Variants in BCR observed in about 807,000 individuals in gnomAD.
BCR encodes the protein BCR activator of RhoGEF and GTPase, also known as breakpoint cluster region protein.
Under a neutral mutation model 138.6 loss-of-function variants are expected in BCR, and 58 were observed. The observed-to-expected ratio is 0.42, with a 90% confidence interval of 0.34 to 0.52. BCR has a LOEUF of 0.52. Ranked by LOEUF, BCR falls within the 20% of genes least tolerant of loss-of-function variation. The pLI is 0.06. For synonymous variants in BCR, 786 were observed against 730.1 expected (o/e 1.08, Z -1.23); for missense variants, 1,599 against 1,727.2 (o/e 0.93, Z 1.32).
intron 19 of BCR, 141 bp downstream of exon 19, chr22:23,311,977 A>G (rs2074013104): frequency 1.4e-6 from 2 of 1,413,122 alleles, no homozygotes; most frequent in Non-Finnish European, 1.9e-6. Context: ...TTTTTAAAAA[A>G]GAGAAGACAA....
intron 1 of BCR, among the ~76,000 whole-genome samples, chr22:23,236,346 G>C (rs139593041): frequency 3.7e-4 from 56 of 152,334 alleles, no homozygotes; most frequent in African/African-American, 1.2e-3. Context: ...GGCGCCAGGG[G>C]ATGTTTGTCT....
intron 1 of BCR, among the ~76,000 whole-genome samples, chr22:23,243,664 T>A (rs2073123826): frequency 6.6e-6 from 1 of 151,830 alleles, no homozygotes; most frequent in African/African-American, 2.4e-5. Context: ...TTTTTTTTTT[T>A]TTAAGATGGA....
rs368870235 is a variant in BCR, at chr22:23,311,860, G to A, written c.3322+24G>A. On this transcript the variant is annotated intron_variant, in intron 19 of 22. Coordinates refer to ENST00000305877, the MANE Select transcript of BCR (RefSeq NM_004327.4). ...CAGTGAGTGTTGGCCTGCGCAGGAC[G>A]GGATGGAGGTGTGGGCAATGGTGTC... is the stretch of plus-strand genomic sequence containing the variant. The A allele has an allele frequency of 5.6e-6, 9 of 1,610,240 alleles. No individual in the cohort carries two copies. In the African/African-American group the frequency reaches 9.4e-5, roughly 17 times the overall value.
intron 1 of BCR, among the ~76,000 whole-genome samples, chr22:23,208,875 T>G (rs904244101): frequency 6.6e-6 from 1 of 151,490 alleles, no homozygotes; most frequent in Non-Finnish European, 1.5e-5. Flanking sequence ...AAAAAAAGCT[T>G]CTGGACTCAT....
chr22:23,242,299 G>C (rs935442609), intron 1 of BCR, among the ~76,000 whole-genome samples: 2 of 152,282 alleles, frequency 1.3e-5, no homozygotes, highest in Non-Finnish European at 2.9e-5. Context: ...GGGTTACTTT[G>C]TTAAAGCATA....
chr22:23,187,358 C>T (rs971372484), intron 1 of BCR, among the ~76,000 whole-genome samples: 5 of 148,718 alleles, frequency 3.4e-5, no homozygotes, highest in East Asian at 4.0e-4. Flanking sequence ...TGAAATAGGA[C>T]GGTCTAGTTA....
In BCR at chr22:23,289,628, C is replaced by T; in HGVS notation, c.2707+7C>T. ...CTGACCATCAATAAGGAAGGTGGGC[C>T]CCCCCGTTTCCGTGTACAGGGCACC... On this transcript the variant is annotated splice_region_variant and intron_variant, in intron 13 of 22. Coordinates refer to ENST00000305877, the MANE Select transcript of BCR (RefSeq NM_004327.4). The T allele has an allele frequency of 6.2e-7, 1 of 1,610,862 alleles. No individual in the cohort carries two copies. The highest frequency in any genetic ancestry group is 8.5e-7 in the Non-Finnish European group (1 of 1,177,130).
At chr22:23,232,014 C>A (rs2072964855) in intron 1 of BCR, among the ~76,000 whole-genome samples, 1 of 152,236 alleles carries the variant, frequency 6.6e-6, no homozygotes, top group Admixed American at 6.5e-5. Context: ...TCTTGTCTCT[C>A]CAGCCTCCCA....
intron 9 of BCR, 80 bp from the exon 10 acceptor site, chr22:23,284,953 C>T: frequency 1.3e-6 from 2 of 1,481,600 alleles, no homozygotes; most frequent in Non-Finnish European, 1.8e-6. Context: ...AGAACACTGG[C>T]TCTTGGGCTC....
At position 23,292,669 on chromosome 22, in the gene BCR, T is replaced by C. The variant is rs774516848; in HGVS notation, c.2880+31T>C. ...GAACTGATTCCACAAGGGCCCAGCC[T>C]GCCAGGTGGGGCACAGGATATTTTC... On this transcript the variant is annotated intron_variant, in intron 15 of 22. Coordinates refer to ENST00000305877, the MANE Select transcript of BCR (RefSeq NM_004327.4). 1.9e-5 allele frequency: 29 copies of C among 1,560,826 alleles called. No homozygotes were observed. In the African/African-American group the frequency reaches 2.6e-4, roughly 14 times the overall value.
At chr22:23,280,956 C>T (rs2073637042) in intron 8 of BCR, among the ~76,000 whole-genome samples, 2 of 152,222 alleles carry the variant, frequency 1.3e-5, no homozygotes, top group Admixed American at 1.3e-4. Flanking sequence ...CATGCCCTTG[C>T]ATGGGAACAC....
intron 16 of BCR, among the ~76,000 whole-genome samples, chr22:23,299,466 C>T (rs1326735891): frequency 2.0e-5 from 3 of 152,138 alleles, no homozygotes; most frequent in Admixed American, 6.5e-5. Context: ...TGAGGATTCT[C>T]GATGCCTTCG....
rs131683 is a variant in BCR, at chr22:23,303,931, C to CTTTTTT, written c.3013-5477_3013-5472dup. Among the ~76,000 whole-genome samples the CTTTTTT allele has an allele frequency of 1.4e-4, 15 of 106,166 alleles. 1 individual carries two copies. The highest frequency in any genetic ancestry group is 5.4e-4 in the African/African-American group (14 of 25,868). The allele number at this position is 106,166 out of a possible 152,430, so 69.6% of individuals were successfully genotyped here. A position where few individuals can be genotyped will look rare whatever the true frequency, so the allele number is the denominator to read the frequency against. ...TCTATCACCCCAATTTCCTTGTTGC[C>CTTTTTT]TTTTTTTTTTTTTTTTTTTTTAAGA... is the stretch of plus-strand genomic sequence containing the variant. On this transcript the variant is annotated intron_variant, in intron 16 of 22. Transcript: ENST00000305877.
In BCR at chr22:23,315,350, A is replaced by G. The variant is rs541440329; in HGVS notation, c.3727-83A>G. On this transcript the variant is annotated intron_variant, in intron 22 of 22. Transcript: ENST00000305877. ...TCCCCAGCACCTGAGATGGACTTGG[A>G]GGCTTGGGCCCCAAAGACCTCCCAC... The G allele has an allele frequency of 4.6e-4, 585 of 1,274,754 alleles. 2 individuals are homozygous for G. Among genetic ancestry groups the G allele is most frequent in the East Asian group, 2.2e-3 (93 of 42,140 alleles). 79.0% of individuals were successfully genotyped at this position (1,274,754 alleles called of 1,614,324 possible). A position where few individuals can be genotyped will look rare whatever the true frequency, so the allele number is the denominator to read the frequency against.
Position 23,209,544 on chromosome 22 carries a change from T to TTTTTA in BCR, c.1279+27315_1279+27319dup, listed in dbSNP as rs371375678. ...GCTTGTTTGCTAATTTATTTATTCA[T>TTTTTA]TTTTATTTTATTTTTTTGAGATGGA... On this transcript the variant is annotated intron_variant, in intron 1 of 22. Transcript: ENST00000305877. 3.3e-5 allele frequency among the ~76,000 whole-genome samples: 5 copies of TTTTTA among 151,376 alleles called. 1 individual carries two copies. The highest frequency in any genetic ancestry group is 1.2e-4 in the African/African-American group (5 of 40,870).
At chr22:23,191,141 G>A (rs1311410938) in intron 1 of BCR, among the ~76,000 whole-genome samples, 1 of 152,094 alleles carries the variant, frequency 6.6e-6, no homozygotes, top group Non-Finnish European at 1.5e-5. Context: ...TTGTTGCCCA[G>A]GCTGGTCTCA....
At chr22:23,282,299 G>T (rs911100744) in intron 8 of BCR, among the ~76,000 whole-genome samples, 1 of 152,250 alleles carries the variant, frequency 6.6e-6, no homozygotes, top group Non-Finnish European at 1.5e-5. Context: ...CGTGGGTGCC[G>T]TCACCAGGCA....
intron 8 of BCR, among the ~76,000 whole-genome samples, chr22:23,282,020 G>A (rs1298558637): frequency 6.6e-6 from 1 of 152,212 alleles, no homozygotes; most frequent in African/African-American, 2.4e-5. Context: ...ATGGCGAGAA[G>A]CTCACTGCCT....
intron 1 of BCR, among the ~76,000 whole-genome samples, chr22:23,184,813 A>T (rs928666557): frequency 2.0e-5 from 3 of 152,170 alleles, no homozygotes; most frequent in Non-Finnish European, 4.4e-5. Flanking sequence ...TGGAAAGAGG[A>T]ATCCTCACTG....
Sources: allele counts gnomAD v4.1 joint callset (sites outside exome capture counted in the v4.1 genomes callset), GRCh38; gene constraint gnomAD v4.1.1; transcripts MANE v1.5; gene names NCBI Gene and HGNC (gene_info 2026-07-23, HGNC 2026-07-21).